TUSC3: variants seen among roughly 807,000 people sequenced by gnomAD.
The protein encoded by TUSC3 is tumor suppressor candidate 3.
A neutral mutation model predicts 44.8 loss-of-function variants in TUSC3; 45 were observed. The ratio of observed to expected loss-of-function variants is 1.00; its 90% confidence interval spans 0.79 to 1.29. The LOEUF (loss-of-function observed/expected upper bound fraction) is 1.29. Among genes scored for constraint, TUSC3 ranks in the 50% most tolerant of loss-of-function variants. TUSC3 has a pLI of 0.00. For missense variants in TUSC3, 519 were observed against 437.9 expected, an observed-to-expected ratio of 1.19 and a Z score of -1.65; for synonymous variants, 212 against 152.9, an observed-to-expected ratio of 1.39 and a Z score of -2.85.
the TUSC3 span, among the ~76,000 whole-genome samples, chr8:15,832,526 C>T: frequency 6.6e-6 from 1 of 152,218 alleles, no homozygotes; most frequent in South Asian, 2.1e-4. Flanking sequence ...GGCATGCTGT[C>T]TTCAAGAGAC....
chr8:15,705,109 C>T (rs1460538024), intron 6 of TUSC3, among the ~76,000 whole-genome samples: 1 of 150,310 alleles, frequency 6.7e-6, no homozygotes, highest in Non-Finnish European at 1.5e-5. Flanking sequence ...GTAAAATGCC[C>T]TGGGTGCATG....
downstream of TUSC3, among the ~76,000 whole-genome samples, chr8:15,771,596 TATAA>T (rs765341459): frequency 1.7e-4 from 26 of 152,170 alleles, no homozygotes; most frequent in Admixed American, 8.5e-4. Context: ...CTCTACAGTG[TATAA>T]ATAAACTGGA....
At chr8:15,482,185 T>A (rs1307633446) in intron 1 of TUSC3, among the ~76,000 whole-genome samples, 1 of 152,164 alleles carries the variant, frequency 6.6e-6, no homozygotes, top group Non-Finnish European at 1.5e-5. Context: ...CTCAGTCACA[T>A]CTCAGGCTCC....
At chr8:15,532,189 G>C (rs1236430910) in intron 2 of TUSC3, among the ~76,000 whole-genome samples, 1 of 151,968 alleles carries the variant, frequency 6.6e-6, no homozygotes, top group Admixed American at 6.5e-5. Context: ...TACTTTTGCT[G>C]TTTCTGTTCC....
intron 1 of TUSC3, among the ~76,000 whole-genome samples, chr8:15,472,742 G>T (rs1352039375): frequency 6.6e-6 from 1 of 152,132 alleles, no homozygotes; most frequent in African/African-American, 2.4e-5. Context: ...ATATGGTGCC[G>T]ATAATTTACA....
At chr8:15,745,933 A>T (rs2129216039) in intron 8 of TUSC3, among the ~76,000 whole-genome samples, 1 of 151,992 alleles carries the variant, frequency 6.6e-6, no homozygotes, top group Non-Finnish European at 1.5e-5. Context: ...TTTACTTTTC[A>T]TCTATATGGT....
intron 6 of TUSC3, among the ~76,000 whole-genome samples, chr8:15,707,476 A>T (rs1809663907): frequency 6.6e-6 from 1 of 151,954 alleles, no homozygotes; most frequent in Admixed American, 6.6e-5. Context: ...GGCAAACACC[A>T]CCACTAAATA....
At chr8:15,834,358 T>G in the TUSC3 span, among the ~76,000 whole-genome samples, 1 of 152,162 alleles carries the variant, frequency 6.6e-6, no homozygotes, top group Non-Finnish European at 1.5e-5. Flanking sequence ...CTTTCTCTTG[T>G]CTCATTGTGT....
At chr8:15,699,462 G>A (rs551530900) in intron 6 of TUSC3, among the ~76,000 whole-genome samples, 2 of 152,240 alleles carry the variant, frequency 1.3e-5, no homozygotes, top group African/African-American at 4.8e-5. Context: ...CCACCTGTCA[G>A]TATTCAAAAT....
At chr8:15,464,266 T>C (rs1585054808) in intron 1 of TUSC3, among the ~76,000 whole-genome samples, 1 of 152,184 alleles carries the variant, frequency 6.6e-6, no homozygotes. Flanking sequence ...GGTAGTCTTA[T>C]TAAATTACTC....
At chr8:15,642,220 A>G (rs771913101) in intron 2 of TUSC3, among the ~76,000 whole-genome samples, 3 of 152,318 alleles carry the variant, frequency 2.0e-5, no homozygotes, top group South Asian at 2.1e-4. Context: ...ATCTCTCTCT[A>G]TACAATATAT....
chr8:15,804,431 A>C, the TUSC3 span, among the ~76,000 whole-genome samples: 5 of 152,122 alleles, frequency 3.3e-5, no homozygotes, highest in South Asian at 1.0e-3. Context: ...GGTGTTTTTT[A>C]GGTTTTCTTC....
the TUSC3 span, among the ~76,000 whole-genome samples, chr8:15,776,843 CTT>C: frequency 3.3e-5 from 5 of 151,940 alleles, no homozygotes; most frequent in African/African-American, 1.2e-4. Context: ...AAGATTAGCC[CTT>C]TTACTGTTAT....
intron 1 of TUSC3, among the ~76,000 whole-genome samples, chr8:15,597,180 TTGA>T (rs148391391): frequency 0.025 from 3,857 of 152,142 alleles, 167 homozygotes; most frequent in African/African-American, 0.088. Context: ...AGAGGCTAAC[TTGA>T]TGATAGAGAT....
At position 15,597,373 on chromosome 8, in the gene TUSC3, C is replaced by T. The variant is rs1168784168; in HGVS notation, c.139-25707C>T. Among the ~76,000 whole-genome samples, 3 of 152,030 alleles carry T rather than the reference C, an allele frequency of 2.0e-5. No individual in the cohort carries two copies. The East Asian group carries it at 5.8e-4, about 29-fold the overall frequency. ...AGGTAAATTTGATATTCTTCTTGAG[C>T]CAGTTGGACACTGCATTCTTAAATA... On this transcript the variant is annotated intron_variant, in intron 1 of 10. Transcript: ENST00000503731.
intron 2 of TUSC3, among the ~76,000 whole-genome samples, chr8:15,522,286 G>A (rs1036238125): frequency 1.3e-5 from 2 of 151,720 alleles, no homozygotes; most frequent in African/African-American, 4.8e-5. Flanking sequence ...ATGCTGGAGT[G>A]CAGTGGTGCT....
chr8:15,675,993 C>CT (rs1463854770), intron 6 of TUSC3, among the ~76,000 whole-genome samples: 1 of 152,086 alleles, frequency 6.6e-6, no homozygotes, highest in Non-Finnish European at 1.5e-5. Context: ...ATCTTAAGTT[C>CT]TTTGAGACAT....
intron 1 of TUSC3, among the ~76,000 whole-genome samples, chr8:15,615,805 A>T (rs1030186042): frequency 6.6e-6 from 1 of 152,256 alleles, no homozygotes; most frequent in Non-Finnish European, 1.5e-5. Flanking sequence ...CTAAAATACT[A>T]CAAAAATGAG....
At chr8:15,662,588 C>T (rs1393870954) in intron 5 of TUSC3, among the ~76,000 whole-genome samples, 1 of 151,888 alleles carries the variant, frequency 6.6e-6, no homozygotes, top group Non-Finnish European at 1.5e-5. Context: ...ATTAATAGCT[C>T]AGAATAATTT....
Sources: allele counts gnomAD v4.1 joint callset (sites outside exome capture counted in the v4.1 genomes callset), GRCh38; gene constraint gnomAD v4.1.1; transcripts MANE v1.5; gene names NCBI Gene and HGNC (gene_info 2026-07-23, HGNC 2026-07-21).